The following NHSL1 variants were observed in gnomAD, a reference collection of about 807,000 sequenced individuals.
NHSL1 encodes the protein NHS-like protein 1.
In NHSL1, 48 loss-of-function variants were observed where a neutral mutation model predicts 95.0. The ratio of observed to expected loss-of-function variants is 0.51; its 90% CI spans 0.40 to 0.64. NHSL1 has a LOEUF of 0.64. NHSL1 is among the 30% of genes least tolerant of loss of function. The pLI is 0.00. For synonymous variants in NHSL1, 783 were observed against 833.9 expected (o/e 0.94, Z 1.05); for missense variants, 1,971 against 2,077.7 (o/e 0.95, Z 1.00).
intron 3 of NHSL1, among the ~76,000 whole-genome samples, chr6:138,450,714 C>T (rs141347340): frequency 9.2e-4 from 140 of 152,290 alleles, no homozygotes; most frequent in African/African-American, 3.0e-3. Context: ...AAGAAAATTT[C>T]CCAGACAAGC....
chr6:138,691,873 G>C, intron 1 of NHSL1: 1 of 456,588 alleles, frequency 2.2e-6, no homozygotes, highest in South Asian at 1.5e-5. Flanking sequence ...GAATCACAAA[G>C]AGCTGGTGGG....
intron 1 of NHSL1, among the ~76,000 whole-genome samples, chr6:138,669,230 C>T (rs1182966480): frequency 6.6e-6 from 1 of 152,054 alleles, no homozygotes; most frequent in Non-Finnish European, 1.5e-5. Context: ...CAAATCTAGA[C>T]CCCTCTCAAA....
At chr6:138,691,733 T>A (rs1785671987) in intron 1 of NHSL1, 2 of 350,872 alleles carry the variant, frequency 5.7e-6, no homozygotes, top group South Asian at 2.2e-5. Context: ...CGGAGCCAGT[T>A]AAGCTGCTGA....
rs1347807472 is a variant in NHSL1 at position 138,431,601 on chromosome 6, C to T, written c.2744G>A (p.Gly915Asp). The change falls in exon 6 of 8, where the codon GGC becomes GAC. Residue 915 changes from glycine to aspartate, a missense_variant. Physicochemically the swap from Gly to Asp is moderately conservative, Grantham distance 94 (BLOSUM62 -1). Coordinates refer to ENST00000343505, the MANE Select transcript of NHSL1 (RefSeq NM_001144060.2). The surrounding 1 kb of genome is among the most constrained non-coding windows in gnomAD (Gnocchi z 4.0). ...GGCTGGATCCAGCTTCTTCATAGTG[C>T]CACTTCCTTCAGTAGAAGTACTAGA... ...LSSSTSTEGS[G>D]TMKKLDPAVG... The T allele has an allele frequency of 1.9e-6, 3 of 1,551,412 alleles. No individual in the cohort carries two copies. The East Asian group carries it at 7.3e-5, about 38-fold the overall frequency.
Position 138,679,538 on chromosome 6 carries a change from T to C in NHSL1, c.96+12938A>G, listed in dbSNP as rs141640287. On this transcript the variant is annotated intron_variant, in intron 1 of 3. Coordinates refer to the NHSL1 transcript ENST00000491526. ...AATATATTAATACTACAGTAATTGA[T>C]AGAAAAACACATCTACTCCTAAATA... is the stretch of plus-strand genomic sequence containing the variant. Among the ~76,000 whole-genome samples the C allele has an allele frequency of 5.8e-3, 882 of 152,304 alleles. 9 individuals are homozygous for C. The highest frequency in any genetic ancestry group is 0.02 in the African/African-American group (844 of 41,560).
chr6:138,682,636 G>GGAATGGATGAATGGAT (rs34584557), intron 1 of NHSL1, among the ~76,000 whole-genome samples: 4 of 151,134 alleles, frequency 2.6e-5, no homozygotes, highest in Non-Finnish European at 4.4e-5. Flanking sequence ...ATACAGTTCA[G>GGAATGGATGAATGGAT]GAATGGATGA....
intron 1 of NHSL1, chr6:138,650,692 G>A: frequency 3.6e-6 from 2 of 554,030 alleles, no homozygotes; most frequent in East Asian, 4.8e-5. Context: ...ATGACATGCA[G>A]GGGGTGGGTC....
intron 1 of NHSL1, among the ~76,000 whole-genome samples, chr6:138,622,798 A>G (rs1784683084): frequency 1.3e-5 from 2 of 152,228 alleles, no homozygotes; most frequent in Admixed American, 1.3e-4. Flanking sequence ...TTGGTACACC[A>G]GATATCAGAG....
chr6:138,428,556 C>T (rs892699669), intron 7 of NHSL1, among the ~76,000 whole-genome samples: 3 of 152,154 alleles, frequency 2.0e-5, no homozygotes, highest in South Asian at 4.1e-4. Flanking sequence ...ACTAGAGGAG[C>T]GACGTAAAGA....
chr6:138,647,620 T>G (rs1383413230), intron 1 of NHSL1, among the ~76,000 whole-genome samples: 2 of 150,868 alleles, frequency 1.3e-5, no homozygotes, highest in Non-Finnish European at 1.5e-5. Context: ...TTTTTTTTTT[T>G]GAGATGGAGA....
chr6:138,449,646 C>T (rs967899055), intron 3 of NHSL1, among the ~76,000 whole-genome samples: 9 of 151,240 alleles, frequency 6.0e-5, no homozygotes, highest in African/African-American at 2.2e-4. Flanking sequence ...CACTGCACTC[C>T]AGCCTGGCAA....
upstream of NHSL1, among the ~76,000 whole-genome samples, chr6:138,548,835 C>CAGA (rs1414470524): frequency 6.6e-6 from 1 of 152,148 alleles, no homozygotes. Flanking sequence ...AGTCACATAA[C>CAGA]AGAAGAATAC....
chr6:138,523,980 C>T (rs1002552530), intron 1 of NHSL1, among the ~76,000 whole-genome samples: 1 of 152,316 alleles, frequency 6.6e-6, no homozygotes, highest in Admixed American at 6.5e-5. Flanking sequence ...ACTCACATTA[C>T]AGACCTGAGA....
chr6:138,619,544 C>T (rs1007777264), intron 1 of NHSL1, among the ~76,000 whole-genome samples: 1 of 152,156 alleles, frequency 6.6e-6, no homozygotes, highest in Non-Finnish European at 1.5e-5. Context: ...AATTAAAGAA[C>T]CTGCTAAAGA....
intron 3 of NHSL1, among the ~76,000 whole-genome samples, chr6:138,463,504 CTT>C (rs61234570): frequency 3.1e-4 from 40 of 129,336 alleles, no homozygotes; most frequent in South Asian, 1.3e-3. Context: ...GTGCGATGTT[CTT>C]TTTTTTTTTT....
At chr6:138,662,160 C>T (rs1197970308) in intron 1 of NHSL1, among the ~76,000 whole-genome samples, 3 of 149,920 alleles carry the variant, frequency 2.0e-5, no homozygotes. Flanking sequence ...AAAAAAAAAT[C>T]TTAGAATGAT....
At chr6:138,680,737 C>T (rs1392272698) in intron 1 of NHSL1, among the ~76,000 whole-genome samples, 2 of 152,184 alleles carry the variant, frequency 1.3e-5, no homozygotes, top group Non-Finnish European at 2.9e-5. Context: ...CAGCCTCAGC[C>T]TCCCAATCAG....
intron 1 of NHSL1, among the ~76,000 whole-genome samples, chr6:138,558,422 T>C (rs1371969677): frequency 7.3e-5 from 9 of 122,826 alleles, no homozygotes; most frequent in East Asian, 2.4e-4. Flanking sequence ...GTGCCCACCC[T>C]TTTTTTTTTT....
intron 1 of NHSL1, among the ~76,000 whole-genome samples, chr6:138,562,172 A>G (rs1783436234): frequency 6.6e-6 from 1 of 152,212 alleles, no homozygotes; most frequent in African/African-American, 2.4e-5. Context: ...TTCCAATCAC[A>G]TTTATTAAAA....
Sources: gnomAD v4.1 joint callset for allele counts (sites outside exome capture counted in the v4.1 genomes callset) on GRCh38, gnomAD v4.1.1 for gene constraint, Gnocchi (gnomAD v3.1) non-coding constraint, MANE v1.5 for transcripts, NCBI Gene and HGNC (gene_info 2026-07-23, HGNC 2026-07-21) for gene names.